The following PCCA variants were observed in gnomAD, a reference collection of about 807,000 sequenced individuals.
PCCA encodes propionyl-CoA carboxylase subunit alpha.
A neutral mutation model predicts 101.3 loss-of-function variants in PCCA; 74 were observed. That is an observed-to-expected ratio of 0.73 (90% CI 0.61 to 0.89). PCCA has a LOEUF of 0.89. Ranked by LOEUF, PCCA falls within the 40% of genes least tolerant of loss-of-function variation. The pLI, the probability that PCCA is intolerant of heterozygous loss-of-function variation, is 0.00. For synonymous variants in PCCA, 294 were observed against 313.6 expected (o/e 0.94, Z 0.66); for missense variants, 891 against 907.0 (o/e 0.98, Z 0.23).
In PCCA at chr13:100,368,499, C is replaced by G. The variant is rs2075362375; in HGVS notation, c.1671C>G (p.Ala557=). Reference sequence around the variant, plus strand: ...TGCCTGTTATTAAACCAGACATAGCCAACTGGGAGCTCTCAGTAAAATTGC... The same window carrying G: ...TGCCTGTTATTAAACCAGACATAGCGAACTGGGAGCTCTCAGTAAAATTGC... ...SRMPVIKPDI[A]NWELSVKLHD... Residue 557 remains alanine, a synonymous_variant, in exon 19 of 24, where the codon GCC becomes GCG. Coordinates refer to ENST00000376285, the MANE Select transcript of PCCA (RefSeq NM_000282.4). 9 of 1,606,292 alleles carry G rather than the reference C, an allele frequency of 5.6e-6. No homozygotes were observed. The highest frequency in any genetic ancestry group is 7.7e-6 in the Non-Finnish European group (9 of 1,173,654).
Position 100,235,833 on chromosome 13 carries a change from C to T in PCCA, c.601-9C>T, listed in dbSNP as rs775469263. The T allele has an allele frequency of 6.2e-7, 1 of 1,600,686 alleles. No homozygotes were observed. The highest frequency in any genetic ancestry group is 8.6e-7 in the Non-Finnish European group (1 of 1,167,970). Reference sequence around the variant, plus strand: ...GATTAATGTTGAGTCTCATTTCCTGCTTTTACAGGATGCAGAAGAAGCTGT... The same window carrying T: ...GATTAATGTTGAGTCTCATTTCCTGTTTTTACAGGATGCAGAAGAAGCTGT... On this transcript the variant is annotated splice_polypyrimidine_tract_variant and intron_variant, in intron 7 of 23. Coordinates refer to ENST00000376285, the MANE Select transcript of PCCA (RefSeq NM_000282.4).
chr13:100,352,564 T>C (rs898430270), intron 18 of PCCA, among the ~76,000 whole-genome samples: 4 of 152,068 alleles, frequency 2.6e-5, no homozygotes, highest in African/African-American at 7.2e-5. Context: ...TGGCTATATA[T>C]ATATTTTTAA....
intron 5 of PCCA, among the ~76,000 whole-genome samples, chr13:100,155,736 A>G (rs2053818007): frequency 2.6e-5 from 4 of 152,164 alleles, no homozygotes; most frequent in Admixed American, 2.6e-4. Flanking sequence ...AAAACTATGC[A>G]AAGTTATCTC....
intron 8 of PCCA, among the ~76,000 whole-genome samples, chr13:100,251,197 A>G (rs1054917439): frequency 2.0e-5 from 3 of 152,188 alleles, no homozygotes; most frequent in African/African-American, 7.2e-5. Context: ...TAAATAAAGA[A>G]TTTATAAGAG....
chr13:100,201,782 G>A (rs2058512509), intron 6 of PCCA, among the ~76,000 whole-genome samples: 1 of 144,518 alleles, frequency 6.9e-6, no homozygotes, highest in Non-Finnish European at 1.5e-5. Context: ...GCTTGAACCC[G>A]GGAGCTGGAG....
At chr13:100,456,159 A>G (rs2081693949) in intron 21 of PCCA, among the ~76,000 whole-genome samples, 1 of 152,216 alleles carries the variant, frequency 6.6e-6, no homozygotes, top group Admixed American at 6.5e-5. Context: ...GAAGTAGAAC[A>G]TCTTTTCTTA....
At chr13:100,228,895 T>G in intron 7 of PCCA, among the ~76,000 whole-genome samples, 1 of 139,812 alleles carries the variant, frequency 7.2e-6, no homozygotes, top group Admixed American at 7.0e-5. Context: ...GTGAGACTCT[T>G]TCTCAAAAAA....
chr13:100,278,637 G>A (rs2063842260), intron 12 of PCCA, among the ~76,000 whole-genome samples: 1 of 151,902 alleles, frequency 6.6e-6, no homozygotes, highest in Non-Finnish European at 1.5e-5. Flanking sequence ...GTGCCACTAC[G>A]CCCAGCTAAT....
At chr13:100,248,986 T>C (rs1401050502) in intron 8 of PCCA, among the ~76,000 whole-genome samples, 1 of 151,996 alleles carries the variant, frequency 6.6e-6, no homozygotes, top group Non-Finnish European at 1.5e-5. Flanking sequence ...ACCCCTGACC[T>C]CAGGTGATCT....
intron 12 of PCCA, among the ~76,000 whole-genome samples, chr13:100,298,649 T>TC (rs1273825195): frequency 1.8e-3 from 1 of 542 alleles, no homozygotes; most frequent in African/African-American, 3.5e-3. Context: ...CCTCCCTCCC[T>TC]CCCTCCCTCC....
intron 12 of PCCA, among the ~76,000 whole-genome samples, chr13:100,285,387 C>T (rs141557911): frequency 4.1e-4 from 63 of 152,288 alleles, no homozygotes; most frequent in African/African-American, 1.5e-3. Context: ...GCCGGGATAG[C>T]TCTTGGAGTC....
Position 100,273,280 on chromosome 13 carries a change from G to T in PCCA, c.999G>T (p.Gly333=). The T allele has an allele frequency of 6.2e-7, 1 of 1,612,248 alleles. No individual in the cohort carries two copies. The highest frequency in any genetic ancestry group is 8.5e-7 in the Non-Finnish European group (1 of 1,178,282). Residue 333 remains glycine (G), a synonymous_variant, in exon 12 of 24, where the codon GGG becomes GGT. Coordinates refer to ENST00000376285, the MANE Select transcript of PCCA (RefSeq NM_000282.4). ...LARAVKYSSA[G]TVEFLVDSKK... The stretch of plus-strand genomic sequence containing the variant: ...GAGCAGTAAAATATTCCTCTGCTGG[G>T]ACCGTGGAGTTCCTTGTGGACTCTA...
intron 1 of PCCA, among the ~76,000 whole-genome samples, chr13:100,097,943 G>C (rs947540183): frequency 6.6e-6 from 1 of 151,976 alleles, no homozygotes; most frequent in African/African-American, 2.4e-5. Context: ...AGGATTGCTT[G>C]AATGCAGGAG....
intron 6 of PCCA, among the ~76,000 whole-genome samples, chr13:100,209,119 T>A (rs1248871932): frequency 1.3e-5 from 2 of 152,200 alleles, no homozygotes; most frequent in African/African-American, 4.8e-5. Context: ...TCTTCAGTGC[T>A]TTTGGTTGTT....
At chr13:100,378,142 G>A (rs1323637658) in intron 19 of PCCA, among the ~76,000 whole-genome samples, 1 of 152,062 alleles carries the variant, frequency 6.6e-6, no homozygotes, top group Non-Finnish European at 1.5e-5. Flanking sequence ...GTCAAATTCG[G>A]CGTTTGCTTG....
At chr13:100,528,871 C>A (rs1417094540) in intron 23 of PCCA, among the ~76,000 whole-genome samples, 7 of 152,222 alleles carry the variant, frequency 4.6e-5, no homozygotes, top group African/African-American at 1.7e-4. Context: ...CGACATCCAT[C>A]CATGATGAGA....
chr13:100,103,315 CTT>C (rs199517193), intron 2 of PCCA, among the ~76,000 whole-genome samples: 7 of 144,182 alleles, frequency 4.9e-5, no homozygotes, highest in Non-Finnish European at 6.1e-5. Flanking sequence ...TTACTTAATA[CTT>C]TTTTTTTTTT....
intron 18 of PCCA, among the ~76,000 whole-genome samples, chr13:100,340,493 TAAG>T (rs1168945920): frequency 1.3e-5 from 2 of 152,242 alleles, no homozygotes; most frequent in Non-Finnish European, 1.5e-5. Flanking sequence ...AATTTGGACA[TAAG>T]AAGATAGTCT....
chr13:100,518,463 A>C (rs2086998718), intron 22 of PCCA, among the ~76,000 whole-genome samples: 1 of 152,236 alleles, frequency 6.6e-6, no homozygotes, highest in African/African-American at 2.4e-5. Context: ...CTAAACACAG[A>C]AGCTGTGTTT....
Sources: gnomAD v4.1 joint callset for allele counts (sites outside exome capture counted in the v4.1 genomes callset) on GRCh38, gnomAD v4.1.1 for gene constraint, MANE v1.5 for transcripts, NCBI Gene and HGNC (gene_info 2026-07-23, HGNC 2026-07-21) for gene names.